The following KIAA1217 variants were observed in gnomAD, a reference collection of about 807,000 sequenced individuals.
The protein encoded by KIAA1217 is KIAA1217, also known as sickle tail protein homolog.
In KIAA1217, 88 loss-of-function variants were observed where a neutral mutation model predicts 163.9. The observed-to-expected ratio is 0.54, with a 90% confidence interval of 0.45 to 0.64. The LOEUF (loss-of-function observed/expected upper bound fraction) is 0.64, where lower values mean the gene tolerates loss of function less well. Among genes scored for constraint, KIAA1217 ranks in the 30% least tolerant of loss-of-function variants. The pLI is 0.00. For missense variants in KIAA1217, 2,372 were observed against 2,475.0 expected (o/e 0.96, Z 0.88); for synonymous variants, 903 against 923.1 (o/e 0.98, Z 0.39).
intron 2 of KIAA1217, among the ~76,000 whole-genome samples, chr10:24,148,141 AC>A: frequency 6.6e-6 from 1 of 152,054 alleles, no homozygotes; most frequent in East Asian, 1.9e-4. Context: ...CCTAAAGGAG[AC>A]TTTTTTTTCT....
chr10:23,905,245 A>G (rs1335286437), intron 1 of KIAA1217, among the ~76,000 whole-genome samples: 3 of 150,424 alleles, frequency 2.0e-5, no homozygotes, highest in African/African-American at 7.3e-5. Context: ...TCTGCCCAGG[A>G]CCCTGGATCA....
rs1181847833 is a variant in KIAA1217, at chr10:23,917,899, A to T, written c.-320-89326A>T. On this transcript the variant is annotated intron_variant, in intron 1 of 18. Transcript: ENST00000376462. The stretch of plus-strand genomic sequence containing the variant: ...AGTACTTTGCTTTAGGGTTTGTGGG[A>T]TGTATTATGTATGTTCGTATAGAGA... 2.0e-5 allele frequency among the ~76,000 whole-genome samples: 3 copies of T among 152,162 alleles called. No individual in the cohort carries two copies. In the East Asian group the frequency reaches 5.8e-4, roughly 29 times the overall value.
At chr10:23,797,623 C>A (rs960527100) in intron 1 of KIAA1217, among the ~76,000 whole-genome samples, 4 of 152,130 alleles carry the variant, frequency 2.6e-5, no homozygotes, top group African/African-American at 9.7e-5. Context: ...GAAGCAAGCA[C>A]GTTTTCACAG....
intron 5 of KIAA1217, among the ~76,000 whole-genome samples, chr10:24,466,046 TAGAC>T (rs2062914914): frequency 6.6e-6 from 1 of 152,188 alleles, no homozygotes; most frequent in Non-Finnish European, 1.5e-5. Flanking sequence ...GGTTAATTAA[TAGAC>T]AGCCTCCTTA....
chr10:24,333,454 CAG>C (rs2045949545), intron 2 of KIAA1217, among the ~76,000 whole-genome samples: 1 of 152,088 alleles, frequency 6.6e-6, no homozygotes, highest in African/African-American at 2.4e-5. Flanking sequence ...ATTTGGGATT[CAG>C]GGGGTATGTG....
chr10:24,520,651 A>AAAAAAAAAAAAAAAAAATAT (rs1554926857), intron 11 of KIAA1217, among the ~76,000 whole-genome samples: 1 of 39,678 alleles, frequency 2.5e-5, no homozygotes, highest in African/African-American at 8.8e-5. Context: ...AAAAAAAAAA[A>AAAAAAAAAAAAAAAAAATAT]ATATATATAT....
At chr10:24,539,273 A>C (rs2074626054) in intron 17 of KIAA1217, among the ~76,000 whole-genome samples, 1 of 151,236 alleles carries the variant, frequency 6.6e-6, no homozygotes, top group Non-Finnish European at 1.5e-5. Flanking sequence ...CTATCACCCA[A>C]GCTGGAGTGC....
At chr10:24,472,755 T>G (rs1217302573) in intron 5 of KIAA1217, among the ~76,000 whole-genome samples, 1 of 152,212 alleles carries the variant, frequency 6.6e-6, no homozygotes, top group African/African-American at 2.4e-5. Context: ...ATCATTTTAC[T>G]TTTATGGAGA....
chr10:23,736,534 G>T (rs187716113), intron 1 of KIAA1217, among the ~76,000 whole-genome samples: 38 of 152,236 alleles, frequency 2.5e-4, no homozygotes, highest in African/African-American at 7.7e-4. Flanking sequence ...GTTTTTTAGA[G>T]ATTTTAGAGA....
chr10:24,133,565 G>C (rs10764448), intron 2 of KIAA1217, among the ~76,000 whole-genome samples: 40,198 of 147,728 alleles, frequency 0.27, 5,936 homozygotes, highest in East Asian at 0.44. Context: ...GAGCGAGACT[G>C]TGTCTCAAAA....
chr10:24,190,680 T>C (rs1035690442), intron 2 of KIAA1217, among the ~76,000 whole-genome samples: 3 of 152,136 alleles, frequency 2.0e-5, no homozygotes, highest in Non-Finnish European at 4.4e-5. Flanking sequence ...GATATCCTGT[T>C]TAAGGGAAGG....
chr10:24,295,450 T>C (rs1426750473), intron 2 of KIAA1217, among the ~76,000 whole-genome samples: 52 of 152,210 alleles, frequency 3.4e-4, no homozygotes, highest in Non-Finnish European at 1.5e-5. Flanking sequence ...ATTTATTTCT[T>C]CTGGACTATT....
chr10:23,759,548 C>T (rs2130853626), intron 1 of KIAA1217, among the ~76,000 whole-genome samples: 1 of 152,276 alleles, frequency 6.6e-6, no homozygotes, highest in Middle Eastern at 3.4e-3. Context: ...GCAGGTTTTT[C>T]ATATATGGCT....
At chr10:24,227,980 G>T (rs922832257) in intron 2 of KIAA1217, among the ~76,000 whole-genome samples, 8 of 152,120 alleles carry the variant, frequency 5.3e-5, no homozygotes, top group African/African-American at 1.9e-4. Context: ...ATGTGTTTGT[G>T]TAAAAACTGC....
chr10:24,252,196 G>A (rs1193914586), intron 2 of KIAA1217, among the ~76,000 whole-genome samples: 1 of 152,018 alleles, frequency 6.6e-6, no homozygotes, highest in Non-Finnish European at 1.5e-5. Context: ...ATAGCCAGTG[G>A]CTCTTCACCA....
upstream of KIAA1217, chr10:24,208,880 C>G (rs1277646859): frequency 2.5e-5 from 7 of 285,684 alleles, no homozygotes; most frequent in African/African-American, 4.5e-5. Flanking sequence ...CCCCCACACC[C>G]CCGCATCGCC....
chr10:24,247,832 T>A (rs913000136), intron 2 of KIAA1217, among the ~76,000 whole-genome samples: 1 of 152,188 alleles, frequency 6.6e-6, no homozygotes, highest in African/African-American at 2.4e-5. Context: ...TGATGTCCAA[T>A]AAATCAGAGA....
chr10:24,208,940 CGGACGGACGGACGGACGGACAGACCTAG>C, upstream of KIAA1217: 1 of 349,314 alleles, frequency 2.9e-6, no homozygotes, highest in Non-Finnish European at 5.3e-6. Flanking sequence ...CGCCTGAGGA[CGGACGGACGGACGGACGGACAGACCTAG>C]GGACGGAGGG....
In KIAA1217 at chr10:24,219,810, G is replaced by A. The variant is rs1174493377; in HGVS notation, c.255G>A (p.Glu85=). The change falls in exon 2 of 21, where the codon GAG becomes GAA. Residue 85 remains glutamate, a synonymous_variant. Coordinates refer to ENST00000376454, the MANE Select transcript of KIAA1217 (RefSeq NM_019590.5). ...SKEILGMQTS[E]MDRKREAFLE... ...AAATACTGGGAATGCAAACATCTGA[G>A]ATGGATCGGAAGAGAGAAGCGTTCC... 6.2e-7 allele frequency: 1 copy of A among 1,613,880 alleles called. No individual in the cohort carries two copies. Among genetic ancestry groups the A allele is most frequent in the Non-Finnish European group, 8.5e-7 (1 of 1,179,950 alleles).
Sources: allele counts gnomAD v4.1 joint callset (sites outside exome capture counted in the v4.1 genomes callset), GRCh38; gene constraint gnomAD v4.1.1; transcripts MANE v1.5; gene names NCBI Gene and HGNC (gene_info 2026-07-23, HGNC 2026-07-21).